PPFIA2: variants seen among roughly 807,000 people sequenced by gnomAD.
PPFIA2 encodes liprin-alpha-2.
PPFIA2 carries 46 observed loss-of-function variants against 175.5 expected under a neutral mutation model. The observed-to-expected ratio is 0.26, with a 90% CI of 0.21 to 0.34. The LOEUF (loss-of-function observed/expected upper bound fraction) is 0.34. PPFIA2 is among the 10% of genes least tolerant of loss of function. The pLI is 1.00. For missense variants in PPFIA2, 1,179 were observed against 1,506.1 expected (o/e 0.78, Z 3.60); for synonymous variants, 568 against 511.4 (o/e 1.11, Z -1.49).
At chr12:81,496,145 C>T (rs2060000113) in intron 4 of PPFIA2, among the ~76,000 whole-genome samples, 1 of 152,104 alleles carries the variant, frequency 6.6e-6, no homozygotes, top group Non-Finnish European at 1.5e-5. Context: ...GATGCATCTC[C>T]TCCCTCCTCC....
chr12:81,371,309 ATTT>A (rs375590653), intron 11 of PPFIA2, among the ~76,000 whole-genome samples: 143,501 of 143,798 alleles, frequency 1, 71,602 homozygotes, highest in Middle Eastern at 1. Flanking sequence ...AAATAATATT[ATTT>A]AAATTTTAGA....
Position 81,263,089 on chromosome 12 carries a change from G to A in PPFIA2, c.3715+142C>T, listed in dbSNP as rs1460972875. The A allele has an allele frequency of 9.0e-6, 7 of 777,548 alleles. No homozygotes were observed. In the East Asian group the frequency reaches 1.9e-4, roughly 21 times the overall value. The allele number at this position is 777,548 out of a possible 1,614,324, so 48.2% of individuals were successfully genotyped here. ...GCAATAGCAGTGTAAAAAGGAGTCT[G>A]GTTTGTGATGAGAGCAAAGTAAATT... On this transcript the variant is annotated intron_variant, in intron 31 of 32. Transcript: ENST00000549396.
chr12:81,452,661 G>A (rs939425632), intron 5 of PPFIA2, among the ~76,000 whole-genome samples: 1 of 152,136 alleles, frequency 6.6e-6, no homozygotes. Flanking sequence ...TTCCTTTTCT[G>A]AATTGGACCG....
chr12:81,532,421 A>G (rs1350539546), intron 4 of PPFIA2, among the ~76,000 whole-genome samples: 1 of 151,784 alleles, frequency 6.6e-6, no homozygotes, highest in Non-Finnish European at 1.5e-5. Context: ...CCATGAGGTC[A>G]AGTAGTCCTT....
intron 9 of PPFIA2, among the ~76,000 whole-genome samples, chr12:81,380,005 G>A (rs1012229487): frequency 6.6e-6 from 1 of 151,974 alleles, no homozygotes; most frequent in Non-Finnish European, 1.5e-5. Context: ...TTTATTACCT[G>A]TACAATTTAT....
In PPFIA2 at chr12:81,353,293, C is replaced by A. The variant is rs1279396958; in HGVS notation, c.1820G>T (p.Gly607Val). 21 of 1,613,662 alleles carry A rather than the reference C, an allele frequency of 1.3e-5. No individual in the cohort carries two copies. Among genetic ancestry groups the A allele is most frequent in the Non-Finnish European group, 1.7e-5 (20 of 1,179,758 alleles). Reference protein sequence around the residue: ...DHEWNRTQQIGVLSSHPFESD... With the variant: ...DHEWNRTQQIVVLSSHPFESD... ...TTCAAAAGGGTGGCTGCTTAGTACT[C>A]CAATCTGTTGAGTTCTATTCCACTC... is the stretch of plus-strand genomic sequence containing the variant. The change falls in exon 17 of 33, where the codon GGA (glycine) becomes GTA (valine). Residue 607 changes from glycine (G) to valine (V), a missense_variant. Transcript: ENST00000549396.
intron 4 of PPFIA2, among the ~76,000 whole-genome samples, chr12:81,477,290 GGAGA>G (rs72514119): frequency 0.07 from 10,696 of 152,058 alleles, 526 homozygotes; most frequent in East Asian, 0.2. Context: ...GAGAAAAGGA[GGAGA>G]GAGAGCTACT....
chr12:81,642,364 T>C (rs995839849), intron 4 of PPFIA2, among the ~76,000 whole-genome samples: 1 of 151,744 alleles, frequency 6.6e-6, no homozygotes, highest in Non-Finnish European at 1.5e-5. Flanking sequence ...GCCTTAGCTT[T>C]TACATCTGTC....
intron 4 of PPFIA2, among the ~76,000 whole-genome samples, chr12:81,589,898 C>CT (rs148440975): frequency 0.055 from 8,380 of 152,024 alleles, 414 homozygotes; most frequent in African/African-American, 0.13. Flanking sequence ...CAAATCCAAG[C>CT]TTTTTTTCAC....
At chr12:81,423,909 C>A (rs1259920276) in intron 7 of PPFIA2, among the ~76,000 whole-genome samples, 1 of 151,956 alleles carries the variant, frequency 6.6e-6, no homozygotes, top group African/African-American at 2.4e-5. Flanking sequence ...TTGCAGAATA[C>A]AAAATCAACA....
At chr12:81,412,874 A>G (rs564217945) in intron 7 of PPFIA2, among the ~76,000 whole-genome samples, 2 of 152,010 alleles carry the variant, frequency 1.3e-5, no homozygotes, top group East Asian at 1.9e-4. Flanking sequence ...TTATCTTTCT[A>G]TTCATATTGC....
intron 28 of PPFIA2, among the ~76,000 whole-genome samples, chr12:81,275,011 G>C (rs777637250): frequency 2.0e-5 from 3 of 152,158 alleles, no homozygotes; most frequent in Admixed American, 1.3e-4. Flanking sequence ...ATTTCACGTG[G>C]TGAGCTGAGG....
intron 11 of PPFIA2, among the ~76,000 whole-genome samples, chr12:81,373,007 A>C (rs2035547911): frequency 6.6e-6 from 1 of 151,788 alleles, no homozygotes; most frequent in South Asian, 2.1e-4. Context: ...ACCTAATTCC[A>C]GTTATTTTTA....
At chr12:81,614,948 A>T (rs2061303517) in intron 4 of PPFIA2, among the ~76,000 whole-genome samples, 1 of 152,246 alleles carries the variant, frequency 6.6e-6, no homozygotes, top group Non-Finnish European at 1.5e-5. Flanking sequence ...CTTTGAAATT[A>T]GATCTACCTG....
intron 4 of PPFIA2, among the ~76,000 whole-genome samples, chr12:81,530,610 C>A (rs1241158097): frequency 6.6e-6 from 1 of 151,724 alleles, no homozygotes; most frequent in African/African-American, 2.4e-5. Context: ...TCGGAATGTC[C>A]ACAGCTATTC....
chr12:81,347,277 A>G (rs931127790), intron 18 of PPFIA2, among the ~76,000 whole-genome samples: 1 of 152,090 alleles, frequency 6.6e-6, no homozygotes, highest in Non-Finnish European at 1.5e-5. Flanking sequence ...ATAATGTGCT[A>G]TTTAGATCTC....
intron 4 of PPFIA2, among the ~76,000 whole-genome samples, chr12:81,665,029 G>T (rs1396299253): frequency 6.6e-6 from 1 of 151,610 alleles, no homozygotes; most frequent in Non-Finnish European, 1.5e-5. Flanking sequence ...ACACACCGGG[G>T]CCTGTTGTCG....
chr12:81,396,403 A>G (rs1461842196), intron 8 of PPFIA2, among the ~76,000 whole-genome samples: 1 of 152,092 alleles, frequency 6.6e-6, no homozygotes, highest in Non-Finnish European at 1.5e-5. Context: ...TGACATTTGA[A>G]CAAAGACTGG....
intron 7 of PPFIA2, among the ~76,000 whole-genome samples, chr12:81,437,374 C>T (rs1185230173): frequency 1.3e-5 from 2 of 151,546 alleles, no homozygotes; most frequent in Non-Finnish European, 2.9e-5. Flanking sequence ...GGACTACAGG[C>T]ACCCGCCACC....
Sources: allele counts gnomAD v4.1 joint callset (sites outside exome capture counted in the v4.1 genomes callset), GRCh38; gene constraint gnomAD v4.1.1; transcripts MANE v1.5; gene names NCBI Gene and HGNC (gene_info 2026-07-23, HGNC 2026-07-21).